PIANP: variants seen among roughly 807,000 people sequenced by gnomAD.
The protein encoded by PIANP is PILR alpha associated neural protein, also known as PILR alpha-associated neural protein.
In PIANP, 14 loss-of-function variants were observed where a neutral mutation model predicts 28.9. The ratio of observed to expected loss-of-function variants is 0.49; its 90% CI spans 0.32 to 0.76. The LOEUF (loss-of-function observed/expected upper bound fraction) is 0.76. Among genes scored for constraint, PIANP ranks in the 30% least tolerant of loss-of-function variants. The pLI is 0.03. For missense variants in PIANP, 322 were observed against 371.8 expected (o/e 0.87, Z 1.10); for synonymous variants, 149 against 156.6 (o/e 0.95, Z 0.36).
chr12:6,692,709 G>A (rs1959727955), downstream of PIANP, among the ~76,000 whole-genome samples: 1 of 152,120 alleles, frequency 6.6e-6, no homozygotes, highest in South Asian at 2.1e-4. Context: ...TTCCCTTGTA[G>A]CAGTCCTTTT....
chr12:6,694,708 A>G lies in PIANP; in HGVS notation c.*718T>C. The stretch of plus-strand genomic sequence containing the variant: ...TGTGAGACGAGAGAACATGAGAGTC[A>G]GCTGAGCGGAGCGGTATGGACGGGG... On this transcript the variant is annotated 3_prime_UTR_variant, in exon 5 of 5. Transcript: ENST00000534837. This position sits in a 1 kb window ranked among gnomAD's most constrained non-coding sequence, Gnocchi z 6.1. 3.2e-6 allele frequency: 1 copy of G among 309,138 alleles called. No individual in the cohort carries two copies. The highest frequency in any genetic ancestry group is 6.0e-6 in the Non-Finnish European group (1 of 166,568). 19.1% of individuals were successfully genotyped at this position (309,138 alleles called of 1,614,324 possible). A position where few individuals can be genotyped will look rare whatever the true frequency, so the allele number is the denominator to read the frequency against.
chr12:6,699,318 G>A (rs1045029180), intron 1 of PIANP, among the ~76,000 whole-genome samples: 3 of 152,148 alleles, frequency 2.0e-5, no homozygotes, highest in African/African-American at 7.2e-5. Context: ...GGAAAGTCAC[G>A]GGAAGGGCGT....
Position 6,695,054 on chromosome 12 carries a change from A to G in PIANP, c.*372T>C. On this transcript the variant is annotated 3_prime_UTR_variant, in exon 5 of 5. Coordinates refer to ENST00000534837, the MANE Select transcript of PIANP (RefSeq NM_001244014.2). This position sits in a 1 kb window ranked among gnomAD's most constrained non-coding sequence, Gnocchi z 4.2. ...GGGGGCATCACAGATTCACCAGGGG[A>G]ATCCTGAGAGGAAGAGGGAAAGGGC... 1 of 1,574,664 alleles carries G rather than the reference A, an allele frequency of 6.4e-7. No individual in the cohort carries two copies. The highest frequency in any genetic ancestry group is 1.2e-5 in the South Asian group (1 of 85,572).
chr12:6,693,112 C>G (rs1028067842), downstream of PIANP, among the ~76,000 whole-genome samples: 1 of 152,050 alleles, frequency 6.6e-6, no homozygotes, highest in Non-Finnish European at 1.5e-5. Context: ...TTTCACAGGG[C>G]TGTTACAAGA....
rs1218176829 is a variant in PIANP, at chr12:6,700,189, G to A, written c.-44+425C>T. 1 of 152,050 alleles carries A rather than the reference G, an allele frequency of 6.6e-6. No individual in the cohort carries two copies. Among genetic ancestry groups the A allele is most frequent in the East Asian group, 1.9e-4 (1 of 5,156 alleles). The allele number at this position is 152,050 out of a possible 1,614,324, so 9.4% of individuals were successfully genotyped here. A position where few individuals can be genotyped will look rare whatever the true frequency, so the allele number is the denominator to read the frequency against. ...GGGGCAGGAGCCTCGGGGTGCGGGAGCCGGGCCCCAGCCCCAGCGTGGCCC... is the reference window on the plus strand; with the variant it reads ...GGGGCAGGAGCCTCGGGGTGCGGGAACCGGGCCCCAGCCCCAGCGTGGCCC... On this transcript the variant is annotated intron_variant, in intron 1 of 4. Transcript: ENST00000534837. This position sits in a 1 kb window ranked among gnomAD's most constrained non-coding sequence, Gnocchi z 5.5.
Position 6,696,445 on chromosome 12 carries a change from G to T in PIANP, c.603C>A (p.Phe201Leu). Residue 201 changes from phenylalanine (F) to leucine (L), a missense_variant and splice_region_variant, in exon 4 of 5, where the codon TTC (phenylalanine) becomes TTA (leucine). Physicochemically the swap from Phe to Leu is conservative, Grantham distance 22. Coordinates refer to ENST00000534837, the MANE Select transcript of PIANP (RefSeq NM_001244014.2). The surrounding 1 kb of genome is among the most constrained non-coding windows in gnomAD (Gnocchi z 4.0). Reference protein sequence around the residue: ...VLVATGIIFKFCWDRSQKRRR... With the variant: ...VLVATGIIFKLCWDRSQKRRR... The stretch of plus-strand genomic sequence containing the variant: ...GCACCTTCCTCCTCCCAGCTTACCA[G>T]AACTTGAAGATGATGCCAGTGGCCA... 1 of 1,594,828 alleles carries T rather than the reference G, an allele frequency of 6.3e-7. No individual in the cohort carries two copies. Among genetic ancestry groups the T allele is most frequent in the Non-Finnish European group, 8.5e-7 (1 of 1,170,780 alleles).
Position 6,696,615 on chromosome 12 carries a change from A to T in PIANP, c.524-91T>A. On this transcript the variant is annotated intron_variant, in intron 3 of 4. Transcript: ENST00000534837. The surrounding 1 kb of genome is among the most constrained non-coding windows in gnomAD (Gnocchi z 4.0). Reference sequence around the variant, plus strand: ...CTGGGCTGTGGGCTCTGTCGGCTGGAGTGGCATTGCTGTGTGGATCCACAC... The same window carrying T: ...CTGGGCTGTGGGCTCTGTCGGCTGGTGTGGCATTGCTGTGTGGATCCACAC... The T allele has an allele frequency of 1.1e-6, 1 of 874,172 alleles. No homozygotes were observed. The highest frequency in any genetic ancestry group is 1.7e-6 in the Non-Finnish European group (1 of 599,616). The allele number at this position is 874,172 out of a possible 1,614,324, so 54.2% of individuals were successfully genotyped here.
Position 6,697,570 on chromosome 12 carries a change from G to T in PIANP, c.240C>A (p.Val80=), listed in dbSNP as rs1207398940. The T allele has an allele frequency of 6.3e-7, 1 of 1,596,858 alleles. No homozygotes were observed. Among genetic ancestry groups the T allele is most frequent in the African/African-American group, 1.3e-5 (1 of 74,650 alleles). ...TGGCTGGGGGTGCAGTGCCAGGCAG[G>T]ACTTGCCGACGTGATCTTGGGACCC... The part of the protein sequence containing the change: ...SPRVPRSRRQ[V]LPGTAPPATP... The change falls in exon 3 of 5, where the codon GTC becomes GTA. Residue 80 remains valine (V), a synonymous_variant. Transcript: ENST00000534837. This position sits in a 1 kb window ranked among gnomAD's most constrained non-coding sequence, Gnocchi z 6.9.
At position 6,694,806 on chromosome 12, in the gene PIANP, C is replaced by T. The variant is rs2137702674; in HGVS notation, c.*620G>A. On this transcript the variant is annotated 3_prime_UTR_variant, in exon 5 of 5. Coordinates refer to ENST00000534837, the MANE Select transcript of PIANP (RefSeq NM_001244014.2). The surrounding 1 kb of genome is among the most constrained non-coding windows in gnomAD (Gnocchi z 6.1). ...TGTGCAAGGCTTTCATGTGAGTGCA[C>T]AAGGGTGGGGACAGGGACCCGAAGT... The T allele has an allele frequency of 1.9e-6, 1 of 514,646 alleles. No individual in the cohort carries two copies. Among genetic ancestry groups the T allele is most frequent in the South Asian group, 3.5e-5 (1 of 28,496 alleles). The allele number at this position is 514,646 out of a possible 1,614,324, so 31.9% of individuals were successfully genotyped here. A position where few individuals can be genotyped will look rare whatever the true frequency, so the allele number is the denominator to read the frequency against.
chr12:6,694,881 C>T lies in PIANP; in HGVS notation c.*545G>A. ...GCAGGAGGGCGAGCAGATAGGATTG[C>T]CCGTGGGGCTGGGGAGTGTTCCGGG... is the stretch of plus-strand genomic sequence containing the variant. On this transcript the variant is annotated 3_prime_UTR_variant, in exon 5 of 5. Transcript: ENST00000534837. The surrounding 1 kb of genome is among the most constrained non-coding windows in gnomAD (Gnocchi z 6.1). 1.1e-6 allele frequency: 1 copy of T among 901,248 alleles called. No homozygotes were observed. The highest frequency in any genetic ancestry group is 1.6e-6 in the Non-Finnish European group (1 of 625,284). The allele number at this position is 901,248 out of a possible 1,614,324, so 55.8% of individuals were successfully genotyped here.
At position 6,697,917 on chromosome 12, in the gene PIANP, G is replaced by A. The variant is rs1959929621; in HGVS notation, c.18-125C>T. The stretch of plus-strand genomic sequence containing the variant: ...AAGCAGGTGGGCCTTGGGAAGACTC[G>A]CCTCATTTCCCATCTTCCAAAGGAG... On this transcript the variant is annotated intron_variant, in intron 2 of 4. Coordinates refer to ENST00000534837, the MANE Select transcript of PIANP (RefSeq NM_001244014.2). This position sits in a 1 kb window ranked among gnomAD's most constrained non-coding sequence, Gnocchi z 6.9. 3 of 1,512,564 alleles carry A rather than the reference G, an allele frequency of 2.0e-6. No individual in the cohort carries two copies. Among genetic ancestry groups the A allele is most frequent in the Non-Finnish European group, 8.9e-7 (1 of 1,119,446 alleles). 93.7% of individuals were successfully genotyped at this position (1,512,564 alleles called of 1,614,324 possible). A position where few individuals can be genotyped will look rare whatever the true frequency, so the allele number is the denominator to read the frequency against.
At chr12:6,693,761 G>C (rs1157011124), downstream of PIANP, 1 of 152,414 alleles carries the variant, frequency 6.6e-6, no homozygotes, top group East Asian at 1.9e-4. Context: ...CTCTCTACGG[G>C]GGTCAGAAGG....
Position 6,698,034 on chromosome 12 carries a change from G to A in PIANP, c.17+11C>T. On this transcript the variant is annotated intron_variant, in intron 2 of 4. Transcript: ENST00000534837. ...GTGGTCTCCAGGCTCCCTCTGCTGGGCCAAACTTACCACATCCTGGACTCC... is the reference window on the plus strand; with the variant it reads ...GTGGTCTCCAGGCTCCCTCTGCTGGACCAAACTTACCACATCCTGGACTCC... The A allele has an allele frequency of 2.6e-6, 4 of 1,559,614 alleles. No individual in the cohort carries two copies. Among genetic ancestry groups the A allele is most frequent in the African/African-American group, 1.4e-5 (1 of 73,648 alleles).
rs368006102 is a variant in PIANP, at chr12:6,697,402, A to C, written c.408T>G (p.His136Gln). 6 of 1,614,040 alleles carry C rather than the reference A, an allele frequency of 3.7e-6. No homozygotes were observed. Among genetic ancestry groups the C allele is most frequent in the Non-Finnish European group, 5.1e-6 (6 of 1,179,896 alleles). ...GFLDYGFAAP[H>Q]GLATPHPNSD... ...AGTTGGGGTGTGGGGTTGCGAGCCC[A>C]TGAGGGGCTGCAAAACCATAGTCCA... is the stretch of plus-strand genomic sequence containing the variant. The change falls in exon 3 of 5, where the codon CAT becomes CAG. Residue 136 changes from histidine to glutamine, a missense_variant. By Grantham distance (24) the His-to-Gln change is conservative (BLOSUM62 0). Transcript: ENST00000534837. The surrounding 1 kb of genome is among the most constrained non-coding windows in gnomAD (Gnocchi z 6.9).
chr12:6,692,868 C>A (rs887791), downstream of PIANP, among the ~76,000 whole-genome samples: 2 of 152,206 alleles, frequency 1.3e-5, no homozygotes, highest in East Asian at 3.8e-4. Flanking sequence ...AAGCACACAC[C>A]TACCAACACA....
rs1443255192 is a variant in PIANP at position 6,696,766 on chromosome 12, G to A, written c.524-242C>T. 6.6e-6 allele frequency among the ~76,000 whole-genome samples: 1 copy of A among 152,154 alleles called. No individual in the cohort carries two copies. Among genetic ancestry groups the A allele is most frequent in the Admixed American group, 6.5e-5 (1 of 15,276 alleles). On this transcript the variant is annotated intron_variant, in intron 3 of 4. Coordinates refer to ENST00000534837, the MANE Select transcript of PIANP (RefSeq NM_001244014.2). This position sits in a 1 kb window ranked among gnomAD's most constrained non-coding sequence, Gnocchi z 4.0. ...CAAATCTTATGTGTATATGTGATGA[G>A]GATGAGGCCCCATGATCAGCGAGAA...
rs1959881256 is a variant in PIANP at position 6,696,878 on chromosome 12, A to G, written c.524-354T>C. Among the ~76,000 whole-genome samples the G allele has an allele frequency of 6.6e-6, 1 of 152,080 alleles. No individual in the cohort carries two copies. Among genetic ancestry groups the G allele is most frequent in the South Asian group, 2.1e-4 (1 of 4,828 alleles). Reference sequence around the variant, plus strand: ...CCCAAACCACAGGCCCTGTTCCTCCATCAGCACTCCCTGAGCCAAGACATC... The same window carrying G: ...CCCAAACCACAGGCCCTGTTCCTCCGTCAGCACTCCCTGAGCCAAGACATC... On this transcript the variant is annotated intron_variant, in intron 3 of 4. Transcript: ENST00000534837. The surrounding 1 kb of genome is among the most constrained non-coding windows in gnomAD (Gnocchi z 4.0).
intron 1 of PIANP, among the ~76,000 whole-genome samples, chr12:6,699,335 G>T (rs1226272486): frequency 6.6e-6 from 1 of 152,190 alleles, no homozygotes; most frequent in African/African-American, 2.4e-5. Flanking sequence ...GCGTGGGGAA[G>T]CAGGCAGTGG....
In PIANP at chr12:6,695,515, G is replaced by C; in HGVS notation, c.742C>G (p.Pro248Ala). The change falls in exon 5 of 5, where the codon CCC becomes GCC. Residue 248 changes from proline to alanine, a missense_variant. Pro to Ala is a conservative substitution (Grantham distance 27, BLOSUM62 -1). Transcript: ENST00000534837. The surrounding 1 kb of genome is among the most constrained non-coding windows in gnomAD (Gnocchi z 4.2). ...VLGAFGDSPT[P>A]TPDHEEPRGG... ...CGGGGCTCCTCATGGTCAGGGGTGG[G>C]GGTAGGTGAGTCCCCGAAGGCCCCC... The C allele has an allele frequency of 6.3e-7, 1 of 1,575,494 alleles. No individual in the cohort carries two copies. The highest frequency in any genetic ancestry group is 1.8e-5 in the Admixed American group (1 of 55,742).
Sources: gnomAD v4.1 joint callset for allele counts (sites outside exome capture counted in the v4.1 genomes callset) on GRCh38, gnomAD v4.1.1 for gene constraint, Gnocchi (gnomAD v3.1) non-coding constraint, MANE v1.5 for transcripts, NCBI Gene and HGNC (gene_info 2026-07-23, HGNC 2026-07-21) for gene names.